Variants in MMAB observed in about 807,000 individuals in gnomAD.
MMAB encodes corrinoid adenosyltransferase MMAB.
In MMAB, 17 loss-of-function variants were observed where a neutral mutation model predicts 30.6. That is an observed-to-expected ratio of 0.56 (90% CI 0.38 to 0.83). The LOEUF (loss-of-function observed/expected upper bound fraction) is 0.83. MMAB is among the 40% of genes least tolerant of loss of function. The pLI is 0.00. For synonymous variants in MMAB, 134 were observed against 138.6 expected, an observed-to-expected ratio of 0.97 and a Z score of 0.23; for missense variants, 311 against 331.6, an observed-to-expected ratio of 0.94 and a Z score of 0.48.
chr12:109,569,940 T>G lies in MMAB; in HGVS notation c.197-1077A>C, dbSNP rs1346452369. 5.9e-6 allele frequency: 1 copy of G among 168,522 alleles called. No individual in the cohort carries two copies. The highest frequency in any genetic ancestry group is 1.3e-5 in the Non-Finnish European group (1 of 76,176). 10.4% of individuals were successfully genotyped at this position (168,522 alleles called of 1,614,324 possible). A position where few individuals can be genotyped will look rare whatever the true frequency, so the allele number is the denominator to read the frequency against. On this transcript the variant is annotated intron_variant, in intron 2 of 8. Transcript: ENST00000545712. This position sits in a 1 kb window ranked among gnomAD's most constrained non-coding sequence, Gnocchi z 4.1. ...TACAGCGTTAGCACCTCTTTGTCCC[T>G]TCTGTCTTCTAGAAACAAATTATTA...
At position 109,558,962 on chromosome 12, in the gene MMAB, A is replaced by G; in HGVS notation, c.644+134T>C. ...GGTGCCTGGCACAGAGCAGATGTTC[A>G]TAAACACTAAGGGAATGAAGGAGGG... is the stretch of plus-strand genomic sequence containing the variant. On this transcript the variant is annotated intron_variant, in intron 8 of 8. Coordinates refer to ENST00000545712, the MANE Select transcript of MMAB (RefSeq NM_052845.4). The surrounding 1 kb of genome is among the most constrained non-coding windows in gnomAD (Gnocchi z 4.3). 1 of 723,170 alleles carries G rather than the reference A, an allele frequency of 1.4e-6. No individual in the cohort carries two copies. 44.8% of individuals were successfully genotyped at this position (723,170 alleles called of 1,614,324 possible). A position where few individuals can be genotyped will look rare whatever the true frequency, so the allele number is the denominator to read the frequency against.
At chr12:109,562,388 C>T (rs7134594) in intron 4 of MMAB, among the ~76,000 whole-genome samples, 86,246 of 152,126 alleles carry the variant, frequency 0.57, 25,478 homozygotes, top group African/African-American at 0.72. Context: ...AGACCTTGAA[C>T]TGGCTGACAT....
rs770668367 is a variant in MMAB, at chr12:109,561,206, T to C, written c.520-102A>G. ...CAGCCCTGCCCCCCAAACCGGGCAGTGTTCTGCCTCCAGGAGCCCTGCCAC... is the reference window on the plus strand; with the variant it reads ...CAGCCCTGCCCCCCAAACCGGGCAGCGTTCTGCCTCCAGGAGCCCTGCCAC... On this transcript the variant is annotated intron_variant, in intron 6 of 8. Coordinates refer to ENST00000545712, the MANE Select transcript of MMAB (RefSeq NM_052845.4). This position sits in a 1 kb window ranked among gnomAD's most constrained non-coding sequence, Gnocchi z 5.3. The C allele has an allele frequency of 1.9e-6, 3 of 1,594,506 alleles. No individual in the cohort carries two copies. The East Asian group carries it at 6.7e-5, about 36-fold the overall frequency.
chr12:109,569,024 C>A lies in MMAB; in HGVS notation c.197-161G>T, dbSNP rs1315565115. On this transcript the variant is annotated intron_variant, in intron 2 of 8. Transcript: ENST00000545712. This position sits in a 1 kb window ranked among gnomAD's most constrained non-coding sequence, Gnocchi z 4.1. ...ACAGCGGCGTGATCTTGGCTCACTG[C>A]AGCCTCCCCCTCCCAGGTTCAAGTG... is the stretch of plus-strand genomic sequence containing the variant. Among the ~76,000 whole-genome samples, 2 of 152,084 alleles carry A rather than the reference C, an allele frequency of 1.3e-5. No individual in the cohort carries two copies. The highest frequency in any genetic ancestry group is 4.8e-5 in the African/African-American group (2 of 41,394).
At position 109,561,714 on chromosome 12, in the gene MMAB, T is replaced by C. The variant is rs1884213461; in HGVS notation, c.421+66A>G. On this transcript the variant is annotated intron_variant, in intron 5 of 8. Transcript: ENST00000545712. The surrounding 1 kb of genome is among the most constrained non-coding windows in gnomAD (Gnocchi z 5.3). ...GTCCCTGGGGGCCTGGGATCCCAGA[T>C]GGTGACCCTAGGAGAGTCCCCTGAC... 4 of 1,457,776 alleles carry C rather than the reference T, an allele frequency of 2.7e-6. No homozygotes were observed. Among genetic ancestry groups the C allele is most frequent in the Non-Finnish European group, 3.8e-6 (4 of 1,059,666 alleles). The allele number at this position is 1,457,776 out of a possible 1,614,324, so 90.3% of individuals were successfully genotyped here.
chr12:109,573,290 C>T, intron 1 of MMAB, 57 bp downstream of exon 1: 2 of 1,608,014 alleles, frequency 1.2e-6, no homozygotes, highest in African/African-American at 1.3e-5. Flanking sequence ...GTACCCATGG[C>T]GACGACACCA....
intron 4 of MMAB, 172 bp downstream of exon 4, chr12:109,564,947 T>C (rs1286419487): frequency 2.7e-6 from 2 of 733,926 alleles, no homozygotes; most frequent in East Asian, 2.5e-5. Context: ...AGATTGCAGG[T>C]GTGAGCCACC....
In MMAB at chr12:109,555,140, C is replaced by G; in HGVS notation, c.*1888G>C. 2.2e-6 allele frequency: 1 copy of G among 451,234 alleles called. No homozygotes were observed. The highest frequency in any genetic ancestry group is 1.6e-5 in the South Asian group (1 of 64,388). 28.0% of individuals were successfully genotyped at this position (451,234 alleles called of 1,614,324 possible). On this transcript the variant is annotated 3_prime_UTR_variant, in exon 9 of 9. Transcript: ENST00000545712. ...CTTTCCCATGGCTAGGCATGCAGGG[C>G]TGCTGTGTTATTTTATATATATATA...
rs1158119514 is a variant in MMAB at position 109,558,012 on chromosome 12, G to A, written c.645-876C>T. On this transcript the variant is annotated intron_variant, in intron 8 of 8. Transcript: ENST00000545712. The surrounding 1 kb of genome is among the most constrained non-coding windows in gnomAD (Gnocchi z 4.3). ...CCTTTTGCTGTTTCACTCCCAGCAC[G>A]AGGCACCACGTTCCTCCCTCTCTCT... Among the ~76,000 whole-genome samples the A allele has an allele frequency of 2.6e-5, 4 of 152,140 alleles. No individual in the cohort carries two copies. The East Asian group carries it at 5.8e-4, about 22-fold the overall frequency.
intron 3 of MMAB, among the ~76,000 whole-genome samples, chr12:109,566,742 C>T (rs544302987): frequency 6.6e-6 from 1 of 152,368 alleles, no homozygotes; most frequent in African/African-American, 2.4e-5. Context: ...CCTCGCACTG[C>T]AGATGCTTGG....
intron 1 of MMAB, 142 bp downstream of exon 1, chr12:109,573,205 C>T (rs527712220): frequency 1.8e-6 from 2 of 1,138,166 alleles, no homozygotes; most frequent in African/African-American, 1.5e-5. Flanking sequence ...ACGTGGCCCA[C>T]GTTGCCATGG....
Position 109,556,666 on chromosome 12 carries a change from A to C in MMAB, c.*362T>G. The C allele has an allele frequency of 2.2e-6, 1 of 447,202 alleles. No homozygotes were observed. The highest frequency in any genetic ancestry group is 4.5e-6 in the Non-Finnish European group (1 of 221,948). The allele number at this position is 447,202 out of a possible 1,614,324, so 27.7% of individuals were successfully genotyped here. ...CTCTCTCTCACACACACACACACAC[A>C]CACACACACACACACACACACACAC... is the stretch of plus-strand genomic sequence containing the variant. On this transcript the variant is annotated 3_prime_UTR_variant, in exon 9 of 9. Coordinates refer to ENST00000545712, the MANE Select transcript of MMAB (RefSeq NM_052845.4).
rs67024670 is a variant in MMAB, at chr12:109,556,648, T to TCACACACACA, written c.*370_*379dup. The stretch of plus-strand genomic sequence containing the variant: ...GAGCTGGCAGTGGGAGGGCTCTCTC[T>TCACACACACA]CACACACACACACACACACACACAC... On this transcript the variant is annotated 3_prime_UTR_variant, in exon 9 of 9. Coordinates refer to ENST00000545712, the MANE Select transcript of MMAB (RefSeq NM_052845.4). 3.9e-4 allele frequency: 128 copies of TCACACACACA among 328,360 alleles called. No homozygotes were observed. In the Middle Eastern group the frequency reaches 4.9e-3, roughly 13 times the overall value. 20.3% of individuals were successfully genotyped at this position (328,360 alleles called of 1,614,324 possible). A position where few individuals can be genotyped will look rare whatever the true frequency, so the allele number is the denominator to read the frequency against.
chr12:109,556,966 A>T lies in MMAB; in HGVS notation c.*62T>A. The T allele has an allele frequency of 5.2e-6, 6 of 1,162,512 alleles. No homozygotes were observed. Among genetic ancestry groups the T allele is most frequent in the Non-Finnish European group, 7.8e-6 (6 of 773,220 alleles). 72.0% of individuals were successfully genotyped at this position (1,162,512 alleles called of 1,614,324 possible). On this transcript the variant is annotated 3_prime_UTR_variant, in exon 9 of 9. Coordinates refer to ENST00000545712, the MANE Select transcript of MMAB (RefSeq NM_052845.4). ...TCAGGAACCAGGACCCCAGAAGGGC[A>T]AGCTCCTCTCTCCACGGCCATCGCC...
At chr12:109,565,881 C>T (rs964219614) in intron 3 of MMAB, among the ~76,000 whole-genome samples, 7 of 152,158 alleles carry the variant, frequency 4.6e-5, no homozygotes, top group African/African-American at 1.7e-4. Context: ...CAGGTCAGGA[C>T]CCTGGCTCTG....
At chr12:109,567,127 A>T (rs1191291013) in intron 3 of MMAB, 1 of 448,056 alleles carries the variant, frequency 2.2e-6, no homozygotes, top group East Asian at 7.0e-5. Context: ...CCGAGATCAC[A>T]CCATTGCACT....
Position 109,554,689 on chromosome 12 carries a change from G to A in MMAB, c.*2339C>T, listed in dbSNP as rs1293675718. Reference sequence around the variant, plus strand: ...GGGCTTTCATTAACTTTTCCCACCTGGTTCAAAATATGGGAGGACATTTGC... The same window carrying A: ...GGGCTTTCATTAACTTTTCCCACCTAGTTCAAAATATGGGAGGACATTTGC... On this transcript the variant is annotated 3_prime_UTR_variant, in exon 9 of 9. Coordinates refer to ENST00000545712, the MANE Select transcript of MMAB (RefSeq NM_052845.4). The A allele has an allele frequency of 6.6e-6, 3 of 453,942 alleles. No individual in the cohort carries two copies. Among genetic ancestry groups the A allele is most frequent in the African/African-American group, 2.0e-5 (1 of 49,992 alleles). 28.1% of individuals were successfully genotyped at this position (453,942 alleles called of 1,614,324 possible). A position where few individuals can be genotyped will look rare whatever the true frequency, so the allele number is the denominator to read the frequency against.
chr12:109,556,648 TCACA>T lies in MMAB; in HGVS notation c.*376_*379del, dbSNP rs67024670. On this transcript the variant is annotated 3_prime_UTR_variant, in exon 9 of 9. Transcript: ENST00000545712. ...GAGCTGGCAGTGGGAGGGCTCTCTC[TCACA>T]CACACACACACACACACACACACAC... 48,837 of 321,654 alleles carry T rather than the reference TCACA, an allele frequency of 0.15. 1,086 individuals carry two copies. Among genetic ancestry groups the T allele is most frequent in the Non-Finnish European group, 0.19 (30,704 of 161,496 alleles). 19.9% of individuals were successfully genotyped at this position (321,654 alleles called of 1,614,324 possible).
At chr12:109,570,898 T>C (rs891697206) in intron 2 of MMAB, among the ~76,000 whole-genome samples, 44 of 129,446 alleles carry the variant, frequency 3.4e-4, no homozygotes, top group African/African-American at 1.3e-3. Flanking sequence ...AAAAGGATCA[T>C]AGCAACGCAT....
Sources: gnomAD v4.1 joint callset for allele counts (sites outside exome capture counted in the v4.1 genomes callset) on GRCh38, gnomAD v4.1.1 for gene constraint, Gnocchi (gnomAD v3.1) non-coding constraint, MANE v1.5 for transcripts, NCBI Gene and HGNC (gene_info 2026-07-23, HGNC 2026-07-21) for gene names.